F8: variants seen among roughly 807,000 people sequenced by gnomAD.
The protein encoded by F8 is antihemophilic factor.
Under a neutral mutation model 140.6 loss-of-function variants are expected in F8, and 12 were observed. The observed-to-expected ratio is 0.09, with a 90% CI of 0.05 to 0.14. F8 has a LOEUF of 0.14. Among genes scored for constraint, F8 ranks in the 10% least tolerant of loss-of-function variants. The pLI is 1.00. For missense variants in F8, 1,354 were observed against 1,720.7 expected, an observed-to-expected ratio of 0.79 and a Z score of 3.77; for synonymous variants, 585 against 614.6, an observed-to-expected ratio of 0.95 and a Z score of 0.71.
At chrX:154,915,201 C>T (rs1305495274) in intron 14 of F8, among the ~76,000 whole-genome samples, 1 of 111,406 alleles carries the variant, frequency 9.0e-6, no homozygotes, top group Non-Finnish European at 1.9e-5. Context: ...GGGAAAACTG[C>T]CCCCATGACC....
intron 21 of F8, among the ~76,000 whole-genome samples, chrX:154,898,751 C>T (rs2072995431): frequency 8.9e-6 from 1 of 112,145 alleles, no homozygotes; most frequent in African/African-American, 3.2e-5. Context: ...AGAAAGTTTA[C>T]TGATCAAATC....
chrX:155,013,025 C>A (rs5945272), intron 1 of F8, among the ~76,000 whole-genome samples: 1,213 of 107,403 alleles, frequency 0.011, 18 homozygotes, highest in African/African-American at 0.038. Context: ...GGGCGCCTGT[C>A]GTCCCAGCTA....
chrX:155,011,190 A>G (rs1332544987), intron 1 of F8, among the ~76,000 whole-genome samples: 2 of 112,268 alleles, frequency 1.8e-5, no homozygotes, highest in Non-Finnish European at 3.8e-5. Context: ...ATAAATAAAG[A>G]ACTTATACAA....
chrX:154,919,584 C>A, intron 14 of F8: 1 of 783,240 alleles, frequency 1.3e-6, no homozygotes, highest in East Asian at 4.1e-5. Context: ...TCACTTGGAC[C>A]CTAAAGTGCA....
chrX:154,839,137 G>C (rs782357542), intron 25 of F8, among the ~76,000 whole-genome samples: 1 of 109,700 alleles, frequency 9.1e-6, no homozygotes, highest in East Asian at 2.9e-4. Flanking sequence ...TTTAACATGA[G>C]AGCCTTTGTA....
intron 25 of F8, among the ~76,000 whole-genome samples, chrX:154,859,380 G>C (rs2072672631): frequency 9.5e-6 from 1 of 104,793 alleles, no homozygotes; most frequent in African/African-American, 3.5e-5. Context: ...TCGGCTCACT[G>C]CAAGCTCTGC....
At chrX:154,860,701 A>C in intron 24 of F8, 93 bp from the exon 25 acceptor site, 2 of 863,265 alleles carry the variant, frequency 2.3e-6, no homozygotes, top group Non-Finnish European at 1.7e-6. Flanking sequence ...AGCACTTCTC[A>C]CTCTACTTTC....
At chrX:154,853,195 T>C (rs912662790) in intron 25 of F8, among the ~76,000 whole-genome samples, 1 of 111,418 alleles carries the variant, frequency 9.0e-6, no homozygotes, top group Admixed American at 9.6e-5. Flanking sequence ...TCTTTGATGC[T>C]ATTGTAAATA....
intron 14 of F8, among the ~76,000 whole-genome samples, chrX:154,926,021 C>A (rs2073158547): frequency 8.9e-6 from 1 of 111,996 alleles, no homozygotes; most frequent in Admixed American, 9.4e-5. Context: ...TGAATCATGG[C>A]AGTAGGTCCT....
intron 12 of F8, among the ~76,000 whole-genome samples, chrX:154,949,273 G>A (rs1857375610): frequency 1.8e-5 from 2 of 111,863 alleles, no homozygotes; most frequent in African/African-American, 6.5e-5. Context: ...AGTCTCAGCC[G>A]ATTATAGCAG....
chrX:154,988,663 G>A (rs1557284434), intron 4 of F8, among the ~76,000 whole-genome samples: 1 of 111,767 alleles, frequency 8.9e-6, no homozygotes, highest in Non-Finnish European at 1.9e-5. Context: ...GGAGATACTG[G>A]CCAATGGAAA....
chrX:154,991,371 C>A (rs1557284667), intron 4 of F8, among the ~76,000 whole-genome samples: 1 of 112,316 alleles, frequency 8.9e-6, no homozygotes, highest in African/African-American at 3.2e-5. Context: ...TATACTCCCC[C>A]ACAAGTTTGG....
intron 1 of F8, among the ~76,000 whole-genome samples, chrX:155,021,079 C>T (rs2073758063): frequency 8.9e-6 from 1 of 111,943 alleles, no homozygotes; most frequent in Admixed American, 9.5e-5. Flanking sequence ...TACAGCCATA[C>T]CATAGAATCT....
intron 22 of F8, among the ~76,000 whole-genome samples, chrX:154,872,721 G>T (rs2072783991): frequency 9.0e-6 from 1 of 111,098 alleles, no homozygotes; most frequent in African/African-American, 3.3e-5. Flanking sequence ...AAAATAAAAA[G>T]CATCCAAATA....
intron 25 of F8, among the ~76,000 whole-genome samples, chrX:154,840,094 G>T (rs183379944): frequency 1.8e-5 from 2 of 111,989 alleles, no homozygotes; most frequent in East Asian, 5.6e-4. Context: ...ACTTGGTTAA[G>T]ATGTCCACCT....
chrX:154,843,274 T>C (rs1386260952), intron 25 of F8, among the ~76,000 whole-genome samples: 6 of 111,986 alleles, frequency 5.4e-5, no homozygotes, highest in Admixed American at 2.8e-4. Context: ...TGTGTCTTTA[T>C]AGCAGCATGA....
At chrX:154,867,946 A>G (rs2072744854) in intron 22 of F8, among the ~76,000 whole-genome samples, 1 of 111,234 alleles carries the variant, frequency 9.0e-6, no homozygotes, top group East Asian at 2.8e-4. Context: ...AAAACACATG[A>G]TTATTTCGAT....
intron 1 of F8, among the ~76,000 whole-genome samples, chrX:155,001,170 T>G (rs969225334): frequency 1.5e-4 from 17 of 111,349 alleles, no homozygotes; most frequent in African/African-American, 5.2e-4. Flanking sequence ...TGCTTTTCCT[T>G]TAGTCAGAAT....
At chrX:154,918,706 A>G (rs1330807111) in intron 14 of F8, 1 of 105,932 alleles carries the variant, frequency 9.4e-6, no homozygotes, top group African/African-American at 3.5e-5. Flanking sequence ...TAGACACTGA[A>G]TAGTTGTTTT....
Sources: gnomAD v4.1 joint callset for allele counts (sites outside exome capture counted in the v4.1 genomes callset) on GRCh38, gnomAD v4.1.1 for gene constraint, MANE v1.5 for transcripts, NCBI Gene and HGNC (gene_info 2026-07-23, HGNC 2026-07-21) for gene names.